The following TBCD variants were observed in gnomAD, a reference collection of about 807,000 sequenced individuals.
TBCD encodes tubulin-specific chaperone D.
A neutral mutation model predicts 169.3 loss-of-function variants in TBCD; 105 were observed. The observed-to-expected ratio is 0.62, with a 90% CI of 0.53 to 0.73. The LOEUF (loss-of-function observed/expected upper bound fraction) is 0.73, where lower values mean the gene tolerates loss of function less well. Ranked by LOEUF, TBCD falls within the 30% of genes least tolerant of loss-of-function variation. The pLI is 0.00. For synonymous variants in TBCD, 700 were observed against 643.9 expected (o/e 1.09, Z -1.32); for missense variants, 1,444 against 1,600.1 (o/e 0.90, Z 1.66).
chr17:82,778,635 C>CT (rs766675944), intron 6 of TBCD, among the ~76,000 whole-genome samples: 69,994 of 143,368 alleles, frequency 0.49, 17,671 homozygotes, highest in African/African-American at 0.67. Flanking sequence ...ATTTCTTTTT[C>CT]TTTTTTTTTT....
intron 2 of TBCD, among the ~76,000 whole-genome samples, chr17:82,759,637 A>G (rs1243525829): frequency 1.3e-5 from 2 of 152,022 alleles, no homozygotes; most frequent in East Asian, 3.9e-4. Flanking sequence ...CTGAAGTTTT[A>G]GAAATATTTA....
chr17:82,903,382 C>T lies in TBCD; in HGVS notation c.1731-23C>T, dbSNP rs758706740. On this transcript the variant is annotated intron_variant, in intron 18 of 38. Transcript: ENST00000355528. The surrounding 1 kb of genome is among the most constrained non-coding windows in gnomAD (Gnocchi z 4.8). ...TAGAATCATAAAATGAAGGCACTTA[C>T]GACATTCTCTCCTCACTCTCAGGGT... 98 of 1,586,238 alleles carry T rather than the reference C, an allele frequency of 6.2e-5. No homozygotes were observed. The highest frequency in any genetic ancestry group is 1.7e-4 in the Middle Eastern group (1 of 6,036).
At chr17:82,797,919 G>GA (rs1259489561) in intron 8 of TBCD, 117 bp downstream of exon 8, 5 of 543,312 alleles carry the variant, frequency 9.2e-6, no homozygotes, top group Middle Eastern at 3.5e-4. Context: ...GGTATGTTTG[G>GA]ACACTATCGT....
intron 13 of TBCD, among the ~76,000 whole-genome samples, chr17:82,828,095 A>AC (rs1310779058): frequency 1.3e-4 from 18 of 139,380 alleles, no homozygotes; most frequent in South Asian, 2.5e-4. Context: ...TCGAATGCAC[A>AC]CCCCCCCGCA....
intron 22 of TBCD, among the ~76,000 whole-genome samples, chr17:82,909,625 G>A (rs1440330022): frequency 4.7e-5 from 7 of 148,842 alleles, no homozygotes; most frequent in Non-Finnish European, 1.0e-4. Flanking sequence ...GTGTGATTGG[G>A]TTGAGTGGGT....
At position 82,831,546 on chromosome 17, in the gene TBCD, A is replaced by T; in HGVS notation, c.1318+16612A>T. ...GATATTGCTGGAAAAACCTGTAGTG[A>T]TCGTATGTGGCTGGAGATGGAGCCA... On this transcript the variant is annotated intron_variant, in intron 13 of 38. Transcript: ENST00000355528. This position sits in a 1 kb window ranked among gnomAD's most constrained non-coding sequence, Gnocchi z 4.6. 1 of 1,613,982 alleles carries T rather than the reference A, an allele frequency of 6.2e-7. No homozygotes were observed. Among genetic ancestry groups the T allele is most frequent in the Non-Finnish European group, 8.5e-7 (1 of 1,179,986 alleles).
chr17:82,942,470 T>A lies in TBCD; in HGVS notation c.*7T>A. 1.2e-6 allele frequency: 2 copies of A among 1,613,954 alleles called. No individual in the cohort carries two copies. Among genetic ancestry groups the A allele is most frequent in the African/African-American group, 2.7e-5 (2 of 75,062 alleles). Reference sequence around the variant, plus strand: ...TCAGCCTGGTGCCTGCTGAAGCCAGTCCTGGAGCCCATACCTCACCCCTGC... The same window carrying A: ...TCAGCCTGGTGCCTGCTGAAGCCAGACCTGGAGCCCATACCTCACCCCTGC... On this transcript the variant is annotated 3_prime_UTR_variant, in exon 39 of 39. Coordinates refer to ENST00000355528, the MANE Select transcript of TBCD (RefSeq NM_005993.5).
intron 6 of TBCD, among the ~76,000 whole-genome samples, chr17:82,776,651 C>A (rs1470443330): frequency 1.3e-5 from 2 of 152,184 alleles, no homozygotes; most frequent in Admixed American, 1.3e-4. Context: ...TCACTTCCTG[C>A]CTCTTGTGAG....
At chr17:82,883,318 G>C (rs2058500665) in intron 14 of TBCD, among the ~76,000 whole-genome samples, 1 of 152,258 alleles carries the variant, frequency 6.6e-6, no homozygotes, top group Non-Finnish European at 1.5e-5. Flanking sequence ...CTGGTAGGAG[G>C]CGCAATCTCT....
In TBCD at chr17:82,808,443, G is replaced by C. The variant is rs111325765; in HGVS notation, c.1148+775G>C. Among the ~76,000 whole-genome samples the C allele has an allele frequency of 1.6e-4, 22 of 139,728 alleles. No individual in the cohort carries two copies. In the East Asian group the frequency reaches 3.1e-3, roughly 19 times the overall value. 91.7% of individuals were successfully genotyped at this position (139,728 alleles called of 152,430 possible). ...GTGCGGGGGCAGTAGGTGTTGAGGTGGGGGGAGGCCCCTGCTGTGGAGGGG... is the reference window on the plus strand; with the variant it reads ...GTGCGGGGGCAGTAGGTGTTGAGGTCGGGGGAGGCCCCTGCTGTGGAGGGG... On this transcript the variant is annotated intron_variant, in intron 11 of 38. Coordinates refer to ENST00000355528, the MANE Select transcript of TBCD (RefSeq NM_005993.5).
chr17:82,803,711 TC>T (rs1261562687), intron 9 of TBCD, among the ~76,000 whole-genome samples: 2 of 152,166 alleles, frequency 1.3e-5, no homozygotes, highest in Non-Finnish European at 2.9e-5. Flanking sequence ...CTTTAAGTCT[TC>T]CGTCCGAGTC....
intron 21 of TBCD, among the ~76,000 whole-genome samples, chr17:82,908,049 T>C (rs1197578077): frequency 1.3e-5 from 2 of 152,218 alleles, no homozygotes; most frequent in Admixed American, 6.5e-5. Flanking sequence ...GGGAAGAGAC[T>C]CCTAGGAAAT....
intron 35 of TBCD, chr17:82,937,591 T>C: frequency 3.3e-6 from 2 of 605,336 alleles, no homozygotes; most frequent in Non-Finnish European, 5.8e-6. Flanking sequence ...TCTGCTGCCC[T>C]CGCGCTCTGC....
intron 13 of TBCD, among the ~76,000 whole-genome samples, chr17:82,859,399 C>T (rs1245019879): frequency 2.1e-5 from 3 of 143,840 alleles, no homozygotes; most frequent in African/African-American, 5.2e-5. Context: ...TCTGGCCTGC[C>T]GGCTCTGTGT....
rs1009035286 is a variant in TBCD at position 82,920,478 on chromosome 17, T to C, written c.2039-78T>C. The C allele has an allele frequency of 1.6e-5, 21 of 1,279,010 alleles. No homozygotes were observed. The highest frequency in any genetic ancestry group is 2.1e-5 in the Non-Finnish European group (19 of 922,858). 79.2% of individuals were successfully genotyped at this position (1,279,010 alleles called of 1,614,324 possible). On this transcript the variant is annotated intron_variant, in intron 23 of 38. Coordinates refer to ENST00000355528, the MANE Select transcript of TBCD (RefSeq NM_005993.5). This position sits in a 1 kb window ranked among gnomAD's most constrained non-coding sequence, Gnocchi z 4.1. ...GGAGCTGGCCGCACACAACTCAGAA[T>C]GTGGCAAAGGCAAGCCGCTGTGGCA... is the stretch of plus-strand genomic sequence containing the variant.
At chr17:82,899,372 C>CGCGTCCTCAGT (rs1391655879) in intron 17 of TBCD, among the ~76,000 whole-genome samples, 4 of 150,774 alleles carry the variant, frequency 2.7e-5, no homozygotes, top group African/African-American at 4.9e-5. Flanking sequence ...GCGTCCTCAG[C>CGCGTCCTCAGT]GCACGTGTCC....
intron 13 of TBCD, among the ~76,000 whole-genome samples, chr17:82,821,609 C>A (rs2052421047): frequency 6.6e-6 from 1 of 152,176 alleles, no homozygotes; most frequent in Non-Finnish European, 1.5e-5. Flanking sequence ...TCCTTCACTG[C>A]CCCCTCTCAA....
intron 19 of TBCD, among the ~76,000 whole-genome samples, chr17:82,904,454 C>G (rs1340664624): frequency 6.6e-6 from 1 of 152,234 alleles, no homozygotes; most frequent in East Asian, 1.9e-4. Flanking sequence ...AAGAAAAGGC[C>G]TGAATGGGAG....
In TBCD at chr17:82,884,108, G is replaced by T; in HGVS notation, c.1476-37G>T. 6.4e-7 allele frequency: 1 copy of T among 1,572,296 alleles called. No homozygotes were observed. Among genetic ancestry groups the T allele is most frequent in the South Asian group, 1.2e-5 (1 of 86,016 alleles). ...ACTGTGTGGTCTGTACTGTTTTGCA[G>T]AATTTCTTTTTAATTAATCCTTTCT... On this transcript the variant is annotated intron_variant, in intron 14 of 38. Coordinates refer to ENST00000355528, the MANE Select transcript of TBCD (RefSeq NM_005993.5). This position sits in a 1 kb window ranked among gnomAD's most constrained non-coding sequence, Gnocchi z 4.2.
Sources: allele counts gnomAD v4.1 joint callset (sites outside exome capture counted in the v4.1 genomes callset), GRCh38; gene constraint gnomAD v4.1.1; non-coding constraint Gnocchi (gnomAD v3.1); transcripts MANE v1.5; gene names NCBI Gene and HGNC (gene_info 2026-07-23, HGNC 2026-07-21).